The following PCBP3 variants were observed in gnomAD, a reference collection of about 807,000 sequenced individuals.
The protein encoded by PCBP3 is poly(rC)-binding protein 3.
A neutral mutation model predicts 52.7 loss-of-function variants in PCBP3; 25 were observed. The observed-to-expected ratio is 0.47, with a 90% CI of 0.35 to 0.66. The LOEUF is 0.66. PCBP3 is among the 30% of genes least tolerant of loss of function. PCBP3 has a pLI of 0.01. For synonymous variants in PCBP3, 162 were observed against 183.0 expected, an observed-to-expected ratio of 0.89 and a Z score of 0.93; for missense variants, 391 against 490.3, an observed-to-expected ratio of 0.80 and a Z score of 1.91.
rs761395299 is a variant in PCBP3 at position 45,805,571 on chromosome 21, G to T, written c.-125-44390G>T. Reference sequence around the variant, plus strand: ...CAGTGTGGCAGAACGGCACATACAGGTGCCTAAAATCGAGCTAGGGGACCT... The same window carrying T: ...CAGTGTGGCAGAACGGCACATACAGTTGCCTAAAATCGAGCTAGGGGACCT... On this transcript the variant is annotated intron_variant, in intron 4 of 17. Transcript: ENST00000681687. This position sits in a 1 kb window ranked among gnomAD's most constrained non-coding sequence, Gnocchi z 4.6. Among the ~76,000 whole-genome samples, 3 of 152,184 alleles carry T rather than the reference G, an allele frequency of 2.0e-5. No homozygotes were observed. The highest frequency in any genetic ancestry group is 7.2e-5 in the African/African-American group (3 of 41,442).
At chr21:45,725,060 G>A (rs144003880) in intron 2 of PCBP3, among the ~76,000 whole-genome samples, 1 of 152,162 alleles carries the variant, frequency 6.6e-6, no homozygotes, top group East Asian at 1.9e-4. Flanking sequence ...ATTACTGGCC[G>A]TGTTTTAAAA....
intron 4 of PCBP3, among the ~76,000 whole-genome samples, chr21:45,781,459 G>A (rs1212494394): frequency 6.6e-6 from 1 of 152,304 alleles, no homozygotes; most frequent in African/African-American, 2.4e-5. Flanking sequence ...TGAGAACCAC[G>A]ATGAGAAACC....
At chr21:45,876,002 G>A (rs1268098392) in intron 5 of PCBP3, among the ~76,000 whole-genome samples, 3 of 152,232 alleles carry the variant, frequency 2.0e-5, no homozygotes. Flanking sequence ...GAGGAAAGGT[G>A]TGGGGTGAGG....
At chr21:45,927,892 C>T (rs1266203708) in intron 13 of PCBP3, among the ~76,000 whole-genome samples, 6 of 152,212 alleles carry the variant, frequency 3.9e-5, no homozygotes, top group Admixed American at 3.9e-4. Context: ...AGCGCCCCTC[C>T]CCGTGCCCCA....
chr21:45,868,878 T>C (rs2094877184), intron 5 of PCBP3, among the ~76,000 whole-genome samples: 1 of 152,198 alleles, frequency 6.6e-6, no homozygotes, highest in East Asian at 1.9e-4. Flanking sequence ...GGGGTTGGCT[T>C]TGGGCAGCTC....
chr21:45,778,776 G>A (rs991544424), intron 4 of PCBP3, among the ~76,000 whole-genome samples: 4 of 152,170 alleles, frequency 2.6e-5, no homozygotes, highest in Non-Finnish European at 4.4e-5. Context: ...GGGTGGGCTT[G>A]TGTTCAAGCA....
intron 13 of PCBP3, among the ~76,000 whole-genome samples, chr21:45,929,331 C>T (rs894908779): frequency 6.6e-6 from 1 of 152,174 alleles, no homozygotes; most frequent in African/African-American, 2.4e-5. Flanking sequence ...CAAGACGCTT[C>T]TGGAGGTGAC....
At chr21:45,780,794 A>AAG (rs139245154) in intron 4 of PCBP3, among the ~76,000 whole-genome samples, 5 of 151,574 alleles carry the variant, frequency 3.3e-5, no homozygotes, top group Non-Finnish European at 5.9e-5. Flanking sequence ...GGTGGGGAGC[A>AAG]AGAGAGAGAG....
At chr21:45,655,195 G>A (rs1427642630) in intron 1 of PCBP3, among the ~76,000 whole-genome samples, 1 of 152,014 alleles carries the variant, frequency 6.6e-6, no homozygotes, top group African/African-American at 2.4e-5. Context: ...ATGAATATAT[G>A]TTTTCACTTG....
intron 5 of PCBP3, 117 bp from the exon 6 acceptor site, chr21:45,896,091 G>A (rs1401848708): frequency 1.1e-6 from 1 of 923,628 alleles, no homozygotes; most frequent in South Asian, 1.6e-5. Context: ...CATGGTGGGT[G>A]GGCAACCCCA....
chr21:45,910,808 TC>T, intron 10 of PCBP3, 93 bp from the exon 11 acceptor site: 1 of 1,256,906 alleles, frequency 8.0e-7, no homozygotes, highest in South Asian at 1.5e-5. Context: ...CAAGGAAGTG[TC>T]CCCCGAGCTG....
intron 2 of PCBP3, among the ~76,000 whole-genome samples, chr21:45,717,176 T>C (rs1603309174): frequency 6.6e-6 from 1 of 152,314 alleles, no homozygotes; most frequent in East Asian, 1.9e-4. Flanking sequence ...AGAAATACAA[T>C]TACTTTTTGT....
chr21:45,750,399 C>T (rs116394156), intron 3 of PCBP3: 26,524 of 55,768 alleles, frequency 0.48, 4,214 homozygotes, highest in Middle Eastern at 0.58. Context: ...GAGCAGACCC[C>T]CCCCCCCCCC....
rs571126616 is a variant in PCBP3 at position 45,851,763 on chromosome 21, A to AAAT, written c.10+1670_10+1672dup. ...CTTCCTGGGAAAATAGGAAGTGCCA[A>AAAT]AATAGACTTGAGAAGAAATAGAGAA... is the stretch of plus-strand genomic sequence containing the variant. On this transcript the variant is annotated intron_variant, in intron 5 of 17. Transcript: ENST00000681687. Among the ~76,000 whole-genome samples the AAAT allele has an allele frequency of 4.5e-3, 687 of 152,350 alleles. 2 individuals carry two copies. Among genetic ancestry groups the AAAT allele is most frequent in the Non-Finnish European group, 7.8e-3 (534 of 68,032 alleles).
intron 5 of PCBP3, among the ~76,000 whole-genome samples, chr21:45,860,916 C>T (rs992367119): frequency 5.9e-5 from 9 of 152,130 alleles, no homozygotes; most frequent in African/African-American, 2.2e-4. Context: ...TGACTGTGTT[C>T]GGCCTCCACT....
chr21:45,705,054 GCTCT>G (rs1003977539), intron 2 of PCBP3, among the ~76,000 whole-genome samples: 2 of 152,324 alleles, frequency 1.3e-5, no homozygotes, highest in African/African-American at 4.8e-5. Flanking sequence ...GCTGTGAGGA[GCTCT>G]CTCTCTGGGC....
intron 1 of PCBP3, among the ~76,000 whole-genome samples, chr21:45,667,347 G>C (rs1006133176): frequency 4.0e-5 from 6 of 151,554 alleles, no homozygotes; most frequent in Non-Finnish European, 5.9e-5. Context: ...AGGGCTCTGA[G>C]TTTCAGCTCA....
chr21:45,905,833 G>A (rs748642348), intron 9 of PCBP3, among the ~76,000 whole-genome samples: 4 of 152,176 alleles, frequency 2.6e-5, no homozygotes, highest in Non-Finnish European at 4.4e-5. Flanking sequence ...GGAGGGTCAG[G>A]GTTTCAGTGG....
chr21:45,866,200 T>C (rs1448734667), intron 5 of PCBP3, among the ~76,000 whole-genome samples: 1 of 152,174 alleles, frequency 6.6e-6, no homozygotes, highest in Non-Finnish European at 1.5e-5. Context: ...CCCACCAGAC[T>C]ATGTCAGAAG....
Sources: gnomAD v4.1 joint callset for allele counts (sites outside exome capture counted in the v4.1 genomes callset) on GRCh38, gnomAD v4.1.1 for gene constraint, Gnocchi (gnomAD v3.1) non-coding constraint, MANE v1.5 for transcripts, NCBI Gene and HGNC (gene_info 2026-07-23, HGNC 2026-07-21) for gene names.